FER1L6: variants seen among roughly 807,000 people sequenced by gnomAD.
FER1L6 encodes fer-1-like protein 6.
In FER1L6, 177 loss-of-function variants were observed where a neutral mutation model predicts 219.2. That is an observed-to-expected ratio of 0.81 (90% CI 0.71 to 0.91). FER1L6 has a LOEUF of 0.91. FER1L6 is among the 40% of genes least tolerant of loss of function. The probability of loss-of-function intolerance (pLI) is 0.00; values close to 1 mark genes in which losing one functional copy is unlikely to be tolerated. For synonymous variants in FER1L6, 768 were observed against 824.3 expected, an observed-to-expected ratio of 0.93 and a Z score of 1.17; for missense variants, 2,153 against 2,259.9, an observed-to-expected ratio of 0.95 and a Z score of 0.96.
intron 18 of FER1L6, among the ~76,000 whole-genome samples, chr8:124,029,034 G>T (rs1415390408): frequency 1.3e-5 from 2 of 152,130 alleles, no homozygotes; most frequent in African/African-American, 4.8e-5. Context: ...GCAGTGTTTG[G>T]TTTTCTGTTC....
At position 124,039,876 on chromosome 8, in the gene FER1L6, C is replaced by T. The variant is rs749540471; in HGVS notation, c.2465-6C>T. Reference sequence around the variant, plus strand: ...ACACCTGCCCCCTTCCATGATTTGTCCACAGAACAGCATGTTTTTCAGCTG... The same window carrying T: ...ACACCTGCCCCCTTCCATGATTTGTTCACAGAACAGCATGTTTTTCAGCTG... On this transcript the variant is annotated splice_region_variant and splice_polypyrimidine_tract_variant and intron_variant, in intron 19 of 40. Transcript: ENST00000522917. 6.2e-7 allele frequency: 1 copy of T among 1,614,100 alleles called. No individual in the cohort carries two copies. Among genetic ancestry groups the T allele is most frequent in the Non-Finnish European group, 8.5e-7 (1 of 1,179,958 alleles).
intron 7 of FER1L6, among the ~76,000 whole-genome samples, chr8:123,973,822 G>C (rs763045609): frequency 1.6e-4 from 24 of 152,136 alleles, no homozygotes; most frequent in African/African-American, 5.1e-4. Flanking sequence ...GCCTGGGTTC[G>C]AATCCCACTC....
At chr8:123,884,325 G>T (rs1018673555) in intron 1 of FER1L6, among the ~76,000 whole-genome samples, 1 of 152,108 alleles carries the variant, frequency 6.6e-6, no homozygotes, top group Non-Finnish European at 1.5e-5. Flanking sequence ...GGAAAGTGAG[G>T]CAGTAAGTGG....
At chr8:124,118,252 T>C (rs1823329970) in intron 39 of FER1L6, among the ~76,000 whole-genome samples, 1 of 152,196 alleles carries the variant, frequency 6.6e-6, no homozygotes, top group Non-Finnish European at 1.5e-5. Flanking sequence ...ACAGAAACTA[T>C]GGCATAGTGC....
At chr8:123,905,716 C>T (rs1314256279) in intron 1 of FER1L6, among the ~76,000 whole-genome samples, 4 of 152,136 alleles carry the variant, frequency 2.6e-5, no homozygotes, top group Non-Finnish European at 4.4e-5. Context: ...AATATATATA[C>T]AAAGATTATT....
chr8:123,919,877 A>C (rs1180006182), intron 1 of FER1L6, among the ~76,000 whole-genome samples: 2 of 152,136 alleles, frequency 1.3e-5, no homozygotes, highest in African/African-American at 2.4e-5. Flanking sequence ...AAGGCAGCAG[A>C]GATAGCTGGG....
chr8:124,007,264 GTCTC>G (rs535564133), intron 13 of FER1L6, among the ~76,000 whole-genome samples: 4 of 151,716 alleles, frequency 2.6e-5, no homozygotes, highest in South Asian at 2.1e-4. Context: ...GAAAACAAAT[GTCTC>G]TCTCTCTCTT....
In FER1L6 at chr8:124,049,659, C is replaced by T. The variant is rs1471774720; in HGVS notation, c.2777C>T (p.Ala926Val). The T allele has an allele frequency of 8.1e-6, 13 of 1,613,902 alleles. No individual in the cohort carries two copies. The highest frequency in any genetic ancestry group is 1.1e-5 in the Non-Finnish European group (13 of 1,180,012). ...ATVAAPVVKLADQDYEPPRLC... is the reference protein window; with the variant it reads ...ATVAAPVVKLVDQDYEPPRLC... ...GTGGCTGCTCCTGTTGTGAAGCTGG[C>T]TGACCAGGACTATGAGCCCCCCAGG... The change falls in exon 22 of 41, where the codon GCT becomes GTT. Residue 926 changes from alanine to valine, a missense_variant. By Grantham distance (64) the Ala-to-Val change is moderately conservative (BLOSUM62 0). Transcript: ENST00000522917.
At chr8:123,940,712 T>A (rs1814205966) in intron 1 of FER1L6, among the ~76,000 whole-genome samples, 1 of 152,212 alleles carries the variant, frequency 6.6e-6, no homozygotes, top group Non-Finnish European at 1.5e-5. Context: ...GTTAATTGAA[T>A]TGTAAAGAAA....
intron 19 of FER1L6, among the ~76,000 whole-genome samples, chr8:124,038,251 C>T (rs1283128583): frequency 6.6e-6 from 1 of 152,256 alleles, no homozygotes; most frequent in African/African-American, 2.4e-5. Context: ...TAGGGCTCTG[C>T]TCAAAGGGCA....
intron 1 of FER1L6, among the ~76,000 whole-genome samples, chr8:123,904,224 T>TGTGTG (rs1812910195): frequency 2.9e-5 from 4 of 139,486 alleles, no homozygotes; most frequent in South Asian, 2.4e-4. Flanking sequence ...CTCTGTATAT[T>TGTGTG]TGTGTGTGTG....
At position 123,912,279 on chromosome 8, in the gene FER1L6, T is replaced by TG. The variant is rs1554614585; in HGVS notation, c.-7-43713_-7-43712insG. On this transcript the variant is annotated intron_variant, in intron 1 of 40. Transcript: ENST00000522917. ...GGACATTAAGAAACTTGTCAATGTTTAAAAAAAAAGAAGAAGAAAGCCTAC... is the reference window on the plus strand; with the variant it reads ...GGACATTAAGAAACTTGTCAATGTTTGAAAAAAAAAGAAGAAGAAAGCCTAC... Among the ~76,000 whole-genome samples, 1,115 of 145,176 alleles carry TG rather than the reference T, an allele frequency of 7.7e-3. 45 individuals carry two copies. The highest frequency in any genetic ancestry group is 0.07 in the Admixed American group (1,028 of 14,758).
intron 13 of FER1L6, among the ~76,000 whole-genome samples, chr8:124,007,309 CT>C (rs900883633): frequency 2.1e-4 from 32 of 151,130 alleles, no homozygotes; most frequent in African/African-American, 6.6e-4. Flanking sequence ...TCTCCCCCCC[CT>C]ACCTTCTAGA....
chr8:124,069,146 C>T (rs1300317738), intron 28 of FER1L6, among the ~76,000 whole-genome samples: 3 of 152,044 alleles, frequency 2.0e-5, no homozygotes, highest in Non-Finnish European at 4.4e-5. Context: ...CCGTGTTAGC[C>T]AGGATGGTCT....
chr8:123,910,760 G>T (rs887481002), intron 1 of FER1L6, among the ~76,000 whole-genome samples: 6 of 152,136 alleles, frequency 3.9e-5, no homozygotes, highest in Non-Finnish European at 7.4e-5. Flanking sequence ...AGGAGTTAGG[G>T]TTAAACTTTA....
intron 1 of FER1L6, among the ~76,000 whole-genome samples, chr8:123,930,179 C>T (rs1046562239): frequency 2.0e-5 from 3 of 152,118 alleles, no homozygotes; most frequent in Non-Finnish European, 4.4e-5. Context: ...TTGACTTGTA[C>T]TCATGGATGT....
rs781303946 is a variant in FER1L6, at chr8:124,021,573, G to A, written c.2037G>A (p.Lys679=). 5 of 1,614,132 alleles carry A rather than the reference G, an allele frequency of 3.1e-6. No individual in the cohort carries two copies. In the Admixed American group the frequency reaches 8.3e-5, roughly 27 times the overall value. ...QELEAMCKEA[K]GIIQQQKKKL... Reference sequence around the variant, plus strand: ...AGGAAGCAATGTGCAAGGAGGCCAAGGGGATCATTCAGCAGCAGAAGAAAA... The same window carrying A: ...AGGAAGCAATGTGCAAGGAGGCCAAAGGGATCATTCAGCAGCAGAAGAAAA... The change falls in exon 17 of 41, where the codon AAG becomes AAA. Residue 679 remains lysine, a synonymous_variant. Coordinates refer to ENST00000522917, the MANE Select transcript of FER1L6 (RefSeq NM_001039112.2).
At chr8:123,976,977 C>T (rs1024874878) in intron 9 of FER1L6, among the ~76,000 whole-genome samples, 42 of 152,346 alleles carry the variant, frequency 2.8e-4, no homozygotes, top group African/African-American at 9.1e-4. Context: ...GTCCCCTTGG[C>T]AGGGGTGAAC....
chr8:124,105,673 C>T (rs1302677360), intron 39 of FER1L6, among the ~76,000 whole-genome samples: 1 of 152,146 alleles, frequency 6.6e-6, no homozygotes, highest in Non-Finnish European at 1.5e-5. Flanking sequence ...CATGGAGGTT[C>T]CCGGTGACCT....
Sources: allele counts gnomAD v4.1 joint callset (sites outside exome capture counted in the v4.1 genomes callset), GRCh38; gene constraint gnomAD v4.1.1; transcripts MANE v1.5; gene names NCBI Gene and HGNC (gene_info 2026-07-23, HGNC 2026-07-21).